The following RBM12B variants were observed in gnomAD, a reference collection of about 807,000 sequenced individuals.
The protein encoded by RBM12B is RNA binding motif protein 12B.
In RBM12B, 10 loss-of-function variants were observed where a neutral mutation model predicts 34.3. The observed-to-expected ratio is 0.29, with a 90% CI of 0.18 to 0.49. The LOEUF (loss-of-function observed/expected upper bound fraction) is 0.49, where lower values mean the gene tolerates loss of function less well. Ranked by LOEUF, RBM12B falls within the 20% of genes least tolerant of loss-of-function variation. The pLI is 0.99. For missense variants in RBM12B, 1,139 were observed against 1,262.7 expected, an observed-to-expected ratio of 0.90 and a Z score of 1.48; for synonymous variants, 477 against 437.1, an observed-to-expected ratio of 1.09 and a Z score of -1.14.
rs990390469 is a variant in RBM12B at position 93,735,895 on chromosome 8, A to C, written c.516T>G (p.Arg172=). ...CCACGCACAAACCAGAGAAAAAGACACGTACATCATCTTCATTTACTAGGT... is the reference window on the plus strand; with the variant it reads ...CCACGCACAAACCAGAGAAAAAGACCCGTACATCATCTTCATTTACTAGGT... The part of the protein sequence containing the change: ...LPYLVNEDDV[R]VFFSGLCVDG... Residue 172 remains arginine, a synonymous_variant, in exon 4 of 4, where the codon CGT becomes CGG. Transcript: ENST00000520560. 28 of 1,614,006 alleles carry C rather than the reference A, an allele frequency of 1.7e-5. No individual in the cohort carries two copies. Among genetic ancestry groups the C allele is most frequent in the Non-Finnish European group, 2.3e-5 (27 of 1,180,040 alleles).
In RBM12B at chr8:93,740,692, G is replaced by A. The variant is rs1015650563; in HGVS notation, c.-141C>T. On this transcript the variant is annotated 5_prime_UTR_variant, in exon 2 of 4. Coordinates refer to ENST00000520560, the MANE Select transcript of RBM12B (RefSeq NM_001377960.1). The stretch of plus-strand genomic sequence containing the variant: ...GGGAAGCGCACATACACCACCACAT[G>A]GAAGCTGACGGGAAAGGAAGAGTCG... 1.7e-5 allele frequency: 6 copies of A among 361,548 alleles called. No homozygotes were observed. Among genetic ancestry groups the A allele is most frequent in the Non-Finnish European group, 2.7e-5 (5 of 184,892 alleles). 22.4% of individuals were successfully genotyped at this position (361,548 alleles called of 1,614,324 possible). A position where few individuals can be genotyped will look rare whatever the true frequency, so the allele number is the denominator to read the frequency against.
At position 93,734,325 on chromosome 8, in the gene RBM12B, CG is replaced by C; in HGVS notation, c.2085del (p.Glu696ArgfsTer191). 6.2e-7 allele frequency: 1 copy of C among 1,612,722 alleles called. No homozygotes were observed. The highest frequency in any genetic ancestry group is 8.5e-7 in the Non-Finnish European group (1 of 1,179,596). Reference sequence around the variant, plus strand: ...TCTGGGGGCCGCCTGAAGTCATCCTCGGGTGGTCGCCTCCATTCTCCCTGAA... The same window carrying C: ...TCTGGGGGCCGCCTGAAGTCATCCTCGGTGGTCGCCTCCATTCTCCCTGAA... ...RPLQGEWRRPPEDDFRRPPEE... is the reference protein window; with the variant it reads ...RPLQGEWRRPXEDDFRRPPEE... On this transcript the variant is annotated frameshift_variant, in exon 4 of 4. Coordinates refer to ENST00000520560, the MANE Select transcript of RBM12B (RefSeq NM_001377960.1). LOFTEE classifies it high-confidence loss of function.
chr8:93,739,824 ACTG>A (rs1390777174), intron 2 of RBM12B, among the ~76,000 whole-genome samples: 1 of 152,248 alleles, frequency 6.6e-6, no homozygotes, highest in East Asian at 1.9e-4. Flanking sequence ...ATTTTAAATA[ACTG>A]CTATTTTTAT....
intron 3 of RBM12B, among the ~76,000 whole-genome samples, chr8:93,736,703 A>G (rs949248502): frequency 1.3e-5 from 2 of 152,236 alleles, no homozygotes; most frequent in Non-Finnish European, 2.9e-5. Flanking sequence ...CAAAAATATC[A>G]AATCTTCCTT....
rs1031860901 is a variant in RBM12B at position 93,733,254 on chromosome 8, T to G, written c.*151A>C. On this transcript the variant is annotated 3_prime_UTR_variant, in exon 4 of 4. Transcript: ENST00000520560. ...ATTTGCAAGCAAAAGAAAACCAGAT[T>G]CACATTCTACTATTTACATTTGTTC... is the stretch of plus-strand genomic sequence containing the variant. 2.5e-5 allele frequency: 13 copies of G among 517,730 alleles called. No homozygotes were observed. In the Admixed American group the frequency reaches 3.4e-4, roughly 14 times the overall value. 32.1% of individuals were successfully genotyped at this position (517,730 alleles called of 1,614,324 possible). A position where few individuals can be genotyped will look rare whatever the true frequency, so the allele number is the denominator to read the frequency against.
rs1811974834 is a variant in RBM12B at position 93,735,199 on chromosome 8, T to C, written c.1212A>G (p.Ile404Met). ...TTGTAACATCAAATGGAAAATTTCT[T>C]ATATAGATGCACAGTTTCTGGCCAG... ...GNSGQKLCIYIRNFPFDVTKV... is the reference protein window; with the variant it reads ...GNSGQKLCIYMRNFPFDVTKV... Residue 404 changes from isoleucine (I) to methionine (M), a missense_variant, in exon 4 of 4, where the codon ATA becomes ATG. Around this residue, in one of 3 missense-constraint regions of RBM12B, gnomAD observed 863 missense variants for 869.5 expected, o/e 0.99. Coordinates refer to ENST00000520560, the MANE Select transcript of RBM12B (RefSeq NM_001377960.1). 1.9e-6 allele frequency: 3 copies of C among 1,614,108 alleles called. No homozygotes were observed. Among genetic ancestry groups the C allele is most frequent in the Non-Finnish European group, 2.5e-6 (3 of 1,180,036 alleles).
intron 2 of RBM12B, chr8:93,739,034 C>T (rs1197700341): frequency 1.3e-5 from 2 of 152,176 alleles, no homozygotes; most frequent in African/African-American, 4.8e-5. Flanking sequence ...CTATTTTCTT[C>T]AACAAACCAA....
chr8:93,733,960 T>C lies in RBM12B; in HGVS notation c.2451A>G (p.Glu817=), dbSNP rs1017396354. 7 of 1,612,738 alleles carry C rather than the reference T, an allele frequency of 4.3e-6. No homozygotes were observed. The highest frequency in any genetic ancestry group is 1.7e-4 in the Middle Eastern group (1 of 6,052). ...PDEDFRGPPD[E]DFRHPPDEDF... The stretch of plus-strand genomic sequence containing the variant: ...CCTCATCAGGAGGGTGCCTAAAGTC[T>C]TCATCAGGAGGGCCCCTGAAGTCTT... Residue 817 remains glutamate (E), a synonymous_variant, in exon 4 of 4, where the codon GAA becomes GAG. Coordinates refer to ENST00000520560, the MANE Select transcript of RBM12B (RefSeq NM_001377960.1).
intron 2 of RBM12B, chr8:93,738,902 G>A (rs748215295): frequency 2.6e-5 from 4 of 152,092 alleles, no homozygotes; most frequent in Non-Finnish European, 5.9e-5. Context: ...AAAAGGGTAC[G>A]TAGATTAACC....
Position 93,734,381 on chromosome 8 carries a change from C to T in RBM12B, c.2030G>A (p.Arg677Gln), listed in dbSNP as rs199963553. ...FRRPPEEDWR[R>Q]PPEEDFRRPL... ...CCGCCTAAAGTCCTCCTCTGGGGGC[C>T]GTCTCCAGTCCTCCTCAGGTGGCCG... The change falls in exon 4 of 4, where the codon CGG becomes CAG. Residue 677 changes from arginine (R) to glutamine (Q), a missense_variant. By Grantham distance (43) the Arg-to-Gln change is conservative. Coordinates refer to ENST00000520560, the MANE Select transcript of RBM12B (RefSeq NM_001377960.1). 2.1e-4 allele frequency: 332 copies of T among 1,612,544 alleles called. 2 individuals are homozygous for T. In the South Asian group the frequency reaches 3.2e-3, roughly 16 times the overall value.
intron 3 of RBM12B, 96 bp from the exon 4 acceptor site, chr8:93,736,534 A>G: frequency 1.1e-6 from 1 of 925,376 alleles, no homozygotes. Flanking sequence ...GCTTTCTTCA[A>G]CATTTATAAA....
At chr8:93,737,103 G>C (rs1190550747) in intron 3 of RBM12B, among the ~76,000 whole-genome samples, 1 of 152,212 alleles carries the variant, frequency 6.6e-6, no homozygotes, top group African/African-American at 2.4e-5. Flanking sequence ...TCAGGAGGCT[G>C]AGGCAGGAAG....
At position 93,736,183 on chromosome 8, in the gene RBM12B, C is replaced by G. The variant is rs748445071; in HGVS notation, c.228G>C (p.Lys76Asn). The G allele has an allele frequency of 6.2e-7, 1 of 1,614,140 alleles. No homozygotes were observed. The highest frequency in any genetic ancestry group is 1.7e-5 in the Admixed American group (1 of 60,008). Residue 76 changes from lysine to asparagine, a missense_variant, in exon 4 of 4, where the codon AAG (lysine) becomes AAC (asparagine). Physicochemically the swap from Lys to Asn is moderately conservative, Grantham distance 94. Coordinates refer to ENST00000520560, the MANE Select transcript of RBM12B (RefSeq NM_001377960.1). ...TTTCTATAGTCTTCTGCATTTCTGCCTTGCTACTAAGAAAGAGCTCTACAG... is the reference window on the plus strand; with the variant it reads ...TTTCTATAGTCTTCTGCATTTCTGCGTTGCTACTAAGAAAGAGCTCTACAG... ...DSSVELFLSSKAEMQKTIEMK... is the reference protein window; with the variant it reads ...DSSVELFLSSNAEMQKTIEMK...
At chr8:93,738,514 T>G (rs182396756) in intron 2 of RBM12B, among the ~76,000 whole-genome samples, 73 of 152,304 alleles carry the variant, frequency 4.8e-4, no homozygotes, top group Non-Finnish European at 3.5e-4. Context: ...CAGGCTGGAG[T>G]GCACTGGTGC....
rs1301329637 is a variant in RBM12B at position 93,734,088 on chromosome 8, G to A, written c.2323C>T (p.Pro775Ser). Residue 775 changes from proline (P) to serine (S), a missense_variant, in exon 4 of 4, where the codon CCC becomes TCC. Transcript: ENST00000520560. ...RPPPEHFRRP[P>S]PEHFRRPPQE... ...GGCGGTCTCCGGAAGTGCTCCGGGG[G>A]CGGGCGCCTGAAATGCTCTGGGGGT... is the stretch of plus-strand genomic sequence containing the variant. The A allele has an allele frequency of 6.4e-7, 1 of 1,563,542 alleles. No homozygotes were observed. Among genetic ancestry groups the A allele is most frequent in the African/African-American group, 1.4e-5 (1 of 72,688 alleles).
intron 2 of RBM12B, chr8:93,740,409 T>A (rs1812164557): frequency 2.2e-6 from 1 of 457,266 alleles, no homozygotes; most frequent in African/African-American, 2.0e-5. Flanking sequence ...GTCGCCAGAC[T>A]TTCAGCCAAA....
intron 3 of RBM12B, among the ~76,000 whole-genome samples, chr8:93,736,702 C>T (rs1812032261): frequency 6.6e-6 from 1 of 152,172 alleles, no homozygotes; most frequent in African/African-American, 2.4e-5. Flanking sequence ...TCAAAAATAT[C>T]AAATCTTCCT....
chr8:93,732,534 A>C lies in RBM12B; in HGVS notation c.*871T>G, dbSNP rs967344604. The C allele has an allele frequency of 1.3e-5, 2 of 152,212 alleles. No individual in the cohort carries two copies. The highest frequency in any genetic ancestry group is 4.8e-5 in the African/African-American group (2 of 41,456). The allele number at this position is 152,212 out of a possible 1,614,324, so 9.4% of individuals were successfully genotyped here. ...CCACTTGTCAGATTCTTCCAGCATA[A>C]GCCTGAGTCCCCTTGCACCTATAAT... On this transcript the variant is annotated 3_prime_UTR_variant, in exon 4 of 4. Coordinates refer to ENST00000520560, the MANE Select transcript of RBM12B (RefSeq NM_001377960.1).
chr8:93,734,860 T>A lies in RBM12B; in HGVS notation c.1551A>T (p.Pro517=). ...TTTCAAAAGCACCAACTGAGTATAT[T>A]GGTGGGTCTTTTGAGTCAAATAAAT... The part of the protein sequence containing the change: ...HSHLFDSKDP[P]IYSVGAFENF... The change falls in exon 4 of 4, where the codon CCA becomes CCT. Residue 517 remains proline, a synonymous_variant. Transcript: ENST00000520560. The A allele has an allele frequency of 1.2e-6, 2 of 1,614,138 alleles. No individual in the cohort carries two copies. The highest frequency in any genetic ancestry group is 1.1e-5 in the South Asian group (1 of 91,066).
Sources: allele counts gnomAD v4.1 joint callset (sites outside exome capture counted in the v4.1 genomes callset), GRCh38; gene constraint gnomAD v4.1.1; regional missense constraint gnomAD v4.1.1; transcripts MANE v1.5; gene names NCBI Gene and HGNC (gene_info 2026-07-23, HGNC 2026-07-21).